ZNF438: variants seen among roughly 807,000 people sequenced by gnomAD.
ZNF438 encodes zinc finger protein 438.
A neutral mutation model predicts 38.0 loss-of-function variants in ZNF438; 25 were observed. The ratio of observed to expected loss-of-function variants is 0.66; its 90% CI spans 0.48 to 0.92. The LOEUF is 0.92. Among genes scored for constraint, ZNF438 ranks in the 40% least tolerant of loss-of-function variants. The pLI is 0.00. For missense variants in ZNF438, 1,007 were observed against 999.6 expected, an observed-to-expected ratio of 1.01 and a Z score of -0.10; for synonymous variants, 372 against 364.1, an observed-to-expected ratio of 1.02 and a Z score of -0.25.
intron 1 of ZNF438, among the ~76,000 whole-genome samples, chr10:31,002,658 C>T (rs2132853220): frequency 6.6e-6 from 1 of 152,264 alleles, no homozygotes; most frequent in Non-Finnish European, 1.5e-5. Flanking sequence ...AATCCTACTC[C>T]CACTCCCTTT....
intron 5 of ZNF438, among the ~76,000 whole-genome samples, chr10:30,848,148 G>C (rs1253595104): frequency 6.6e-6 from 1 of 152,198 alleles, no homozygotes; most frequent in Non-Finnish European, 1.5e-5. Context: ...GTGGGGTCTG[G>C]GCACCTTAAG....
chr10:30,845,006 G>A lies in ZNF438; in HGVS notation c.2442C>T (p.Val814=). Residue 814 remains valine, a synonymous_variant, in exon 6 of 6, where the codon GTC becomes GTT. Coordinates refer to ENST00000413025, the Ensembl canonical transcript of ZNF438. ...AAAGTTCGATCACTCCCTGGTTGGA[G>A]ACCGTATTTAAAATAGCCCACAGTT... The A allele has an allele frequency of 6.2e-7, 1 of 1,614,170 alleles. No homozygotes were observed. The highest frequency in any genetic ancestry group is 8.5e-7 in the Non-Finnish European group (1 of 1,180,030).
intron 1 of ZNF438, among the ~76,000 whole-genome samples, chr10:30,994,993 C>T (rs2053898423): frequency 1.3e-5 from 2 of 151,644 alleles, no homozygotes; most frequent in South Asian, 4.2e-4. Context: ...TGAGATCATG[C>T]CACTATACTC....
At chr10:30,947,007 T>A (rs778766692) in intron 1 of ZNF438, among the ~76,000 whole-genome samples, 1 of 152,220 alleles carries the variant, frequency 6.6e-6, no homozygotes, top group Admixed American at 6.5e-5. Context: ...AATTTATCTA[T>A]TTCCTCCTTC....
intron 1 of ZNF438, among the ~76,000 whole-genome samples, chr10:30,944,071 G>A (rs533768009): frequency 5.8e-4 from 88 of 152,282 alleles, no homozygotes; most frequent in Middle Eastern, 3.4e-3. Flanking sequence ...CTGGGAGCAC[G>A]ACTGCTTGGA....
intron 1 of ZNF438, among the ~76,000 whole-genome samples, chr10:30,944,027 G>C (rs2047101322): frequency 6.6e-6 from 1 of 152,190 alleles, no homozygotes; most frequent in Non-Finnish European, 1.5e-5. Flanking sequence ...CTGAAAGTAA[G>C]TCAGCAGTGG....
At chr10:31,018,834 C>T (rs1474491854) in intron 1 of ZNF438, among the ~76,000 whole-genome samples, 1 of 152,110 alleles carries the variant, frequency 6.6e-6, no homozygotes, top group African/African-American at 2.4e-5. Context: ...GTTGCCATTC[C>T]AGTTGCTGCT....
intron 1 of ZNF438, among the ~76,000 whole-genome samples, chr10:30,976,817 A>G (rs2051414658): frequency 6.6e-6 from 1 of 152,156 alleles, no homozygotes; most frequent in Non-Finnish European, 1.5e-5. Flanking sequence ...TAAATAACAC[A>G]TAACACATTA....
chr10:31,016,203 C>T (rs760159240), intron 1 of ZNF438, among the ~76,000 whole-genome samples: 4 of 151,952 alleles, frequency 2.6e-5, no homozygotes, highest in African/African-American at 4.8e-5. Context: ...ATGTAAAGCA[C>T]ATGCTTATGA....
chr10:30,845,421 C>A, exon 6 of ZNF438: 1 of 1,614,118 alleles, frequency 6.2e-7, no homozygotes, highest in Non-Finnish European at 8.5e-7. Flanking sequence ...TTGTAGCCTG[C>A]CCTCAATTTC....
At chr10:31,027,990 T>A (rs2057049534) in intron 1 of ZNF438, among the ~76,000 whole-genome samples, 1 of 152,172 alleles carries the variant, frequency 6.6e-6, no homozygotes, top group Non-Finnish European at 1.5e-5. Flanking sequence ...ACTGTTGAGG[T>A]TATGGTATGC....
intron 2 of ZNF438, among the ~76,000 whole-genome samples, chr10:30,923,980 A>G (rs1255129382): frequency 1.3e-5 from 2 of 152,242 alleles, no homozygotes; most frequent in African/African-American, 4.8e-5. Context: ...TCTTTCAATA[A>G]AAGTTTGTAA....
intron 3 of ZNF438, among the ~76,000 whole-genome samples, chr10:30,897,905 A>C (rs2041544497): frequency 6.6e-6 from 1 of 152,196 alleles, no homozygotes; most frequent in East Asian, 1.9e-4. Context: ...CTCTAACAAC[A>C]ATCACACAGC....
chr10:30,953,469 C>T (rs565467540), intron 1 of ZNF438, among the ~76,000 whole-genome samples: 1 of 150,142 alleles, frequency 6.7e-6, no homozygotes, highest in Non-Finnish European at 1.5e-5. Context: ...AGATACTAAT[C>T]ATTAAGAAAA....
intron 1 of ZNF438, among the ~76,000 whole-genome samples, chr10:30,977,275 C>G (rs552449175): frequency 3.3e-5 from 5 of 152,276 alleles, no homozygotes; most frequent in African/African-American, 1.2e-4. Context: ...CTCTGAAATG[C>G]TTTCCATTTT....
At chr10:30,996,695 A>G (rs2054080080) in intron 1 of ZNF438, among the ~76,000 whole-genome samples, 1 of 152,084 alleles carries the variant, frequency 6.6e-6, no homozygotes, top group South Asian at 2.1e-4. Context: ...CAACACTGTA[A>G]GACAGCCAGA....
At chr10:30,911,690 T>C (rs2043092253) in intron 2 of ZNF438, among the ~76,000 whole-genome samples, 1 of 152,140 alleles carries the variant, frequency 6.6e-6, no homozygotes, top group South Asian at 2.1e-4. Context: ...GCCAGCCTCT[T>C]TGATGCCTGA....
chr10:31,030,363 A>G (rs1244179163), intron 1 of ZNF438, among the ~76,000 whole-genome samples: 1 of 152,162 alleles, frequency 6.6e-6, no homozygotes, highest in Non-Finnish European at 1.5e-5. Flanking sequence ...GAGCCCTGCT[A>G]GGTTGGAGGC....
chr10:30,980,037 C>T (rs780803132), intron 1 of ZNF438, among the ~76,000 whole-genome samples: 5 of 152,046 alleles, frequency 3.3e-5, no homozygotes, highest in African/African-American at 4.8e-5. Flanking sequence ...TGTGGGATCA[C>T]GGAACCAGGA....
Sources: gnomAD v4.1 joint callset for allele counts (sites outside exome capture counted in the v4.1 genomes callset) on GRCh38, gnomAD v4.1.1 for gene constraint, MANE v1.5 for transcripts, NCBI Gene and HGNC (gene_info 2026-07-23, HGNC 2026-07-21) for gene names.